MAP4K3: variants seen among roughly 807,000 people sequenced by gnomAD.
The protein encoded by MAP4K3 is mitogen-activated protein kinase kinase kinase kinase 3, also known as MAPK/ERK kinase kinase kinase 3.
A neutral mutation model predicts 143.5 loss-of-function variants in MAP4K3; 94 were observed. That is an observed-to-expected ratio of 0.65 (90% confidence interval 0.55 to 0.78). MAP4K3 has a LOEUF of 0.78. Among genes scored for constraint, MAP4K3 ranks in the 30% least tolerant of loss-of-function variants. The probability of loss-of-function intolerance (pLI) is 0.00; values close to 1 mark genes in which losing one functional copy is unlikely to be tolerated. For missense variants in MAP4K3, 1,077 were observed against 1,068.1 expected (o/e 1.01, Z -0.12); for synonymous variants, 416 against 347.2 (o/e 1.20, Z -2.20).
chr2:39,384,272 G>A (rs1051576812), intron 1 of MAP4K3, among the ~76,000 whole-genome samples: 4 of 152,220 alleles, frequency 2.6e-5, no homozygotes, highest in East Asian at 1.9e-4. Flanking sequence ...CAAGCCGGGC[G>A]TCGTGGCTCA....
chr2:39,320,395 C>T (rs548680605), intron 12 of MAP4K3, among the ~76,000 whole-genome samples: 56 of 152,052 alleles, frequency 3.7e-4, no homozygotes, highest in Non-Finnish European at 6.9e-4. Flanking sequence ...CAAACCTTGA[C>T]GATGGCCTTG....
intron 21 of MAP4K3, among the ~76,000 whole-genome samples, chr2:39,283,391 A>C (rs1378428402): frequency 6.6e-6 from 1 of 152,122 alleles, no homozygotes; most frequent in African/African-American, 2.4e-5. Context: ...AGGAAGATTA[A>C]GAATCTTTTT....
At chr2:39,342,675 C>T (rs1343124805) in intron 4 of MAP4K3, among the ~76,000 whole-genome samples, 1 of 152,084 alleles carries the variant, frequency 6.6e-6, no homozygotes, top group Non-Finnish European at 1.5e-5. Flanking sequence ...AGTCTTACAT[C>T]TCTGCTTTAG....
At chr2:39,384,048 AG>A (rs1478490501) in intron 1 of MAP4K3, among the ~76,000 whole-genome samples, 1 of 151,958 alleles carries the variant, frequency 6.6e-6, no homozygotes, top group African/African-American at 2.4e-5. Context: ...CAAGAGATCA[AG>A]GCTGCAGTGA....
intron 2 of MAP4K3, among the ~76,000 whole-genome samples, chr2:39,362,571 G>C (rs1665799722): frequency 6.6e-6 from 1 of 152,118 alleles, no homozygotes; most frequent in African/African-American, 2.4e-5. Flanking sequence ...TAAATGTAAA[G>C]ACATGCCATG....
intron 4 of MAP4K3, among the ~76,000 whole-genome samples, 171 bp from the exon 5 acceptor site, chr2:39,337,752 GT>G (rs570853243): frequency 6.5e-4 from 46 of 70,512 alleles, no homozygotes; most frequent in African/African-American, 2.8e-3. Flanking sequence ...CCTGGCTCCA[GT>G]TTTTTTTTTT....
At chr2:39,410,991 A>G (rs961261385) in intron 1 of MAP4K3, among the ~76,000 whole-genome samples, 2 of 152,226 alleles carry the variant, frequency 1.3e-5, no homozygotes, top group Non-Finnish European at 2.9e-5. Flanking sequence ...AAATATTTTG[A>G]TATCATTATG....
chr2:39,294,921 G>C (rs1299737285), intron 16 of MAP4K3, among the ~76,000 whole-genome samples: 3 of 151,614 alleles, frequency 2.0e-5, no homozygotes, highest in Admixed American at 6.6e-5. Context: ...ATTTTCTCAT[G>C]AGTATACACT....
intron 1 of MAP4K3, among the ~76,000 whole-genome samples, chr2:39,419,404 A>G (rs959644016): frequency 6.6e-6 from 1 of 152,176 alleles, no homozygotes; most frequent in Non-Finnish European, 1.5e-5. Context: ...ATTATTTTCT[A>G]TAAAAGCAGT....
At chr2:39,321,684 G>A (rs187643069) in intron 12 of MAP4K3, among the ~76,000 whole-genome samples, 8 of 152,230 alleles carry the variant, frequency 5.3e-5, no homozygotes, top group African/African-American at 1.7e-4. Flanking sequence ...GCAATGGAAT[G>A]TCTCAGTATA....
chr2:39,367,743 A>G (rs576695635), intron 2 of MAP4K3, among the ~76,000 whole-genome samples: 3 of 152,104 alleles, frequency 2.0e-5, no homozygotes, highest in African/African-American at 4.8e-5. Flanking sequence ...AAAAATGTCT[A>G]CCCTAATGCT....
At position 39,371,966 on chromosome 2, in the gene MAP4K3, C is replaced by T. The variant is rs753092965; in HGVS notation, c.154+6100G>A. On this transcript the variant is annotated intron_variant, in intron 2 of 33. Coordinates refer to ENST00000263881, the MANE Select transcript of MAP4K3 (RefSeq NM_003618.4). The stretch of plus-strand genomic sequence containing the variant: ...CATTCAGACAAGAGCAAGAAATAAA[C>T]GAGCATCCAAATTGCAAAGGAAGCA... Among the ~76,000 whole-genome samples, 5 of 150,614 alleles carry T rather than the reference C, an allele frequency of 3.3e-5. No homozygotes were observed. The East Asian group carries it at 5.8e-4, about 18-fold the overall frequency.
At chr2:39,432,870 G>C (rs553173479) in intron 1 of MAP4K3, among the ~76,000 whole-genome samples, 147 of 152,146 alleles carry the variant, frequency 9.7e-4, no homozygotes, top group Admixed American at 5.6e-3. Flanking sequence ...TTAACAACAC[G>C]GCAGCCCGTG....
intron 2 of MAP4K3, among the ~76,000 whole-genome samples, chr2:39,373,211 G>T (rs1666128573): frequency 6.6e-6 from 1 of 152,266 alleles, no homozygotes; most frequent in African/African-American, 2.4e-5. Flanking sequence ...GATCATCAGA[G>T]AAATGCAAAT....
chr2:39,285,380 G>GT (rs1390998549), intron 21 of MAP4K3, among the ~76,000 whole-genome samples: 1 of 151,840 alleles, frequency 6.6e-6, no homozygotes, highest in Non-Finnish European at 1.5e-5. Context: ...CATTGGAAAG[G>GT]TTAAAAAAAA....
At chr2:39,363,390 C>T (rs891666329) in intron 2 of MAP4K3, among the ~76,000 whole-genome samples, 4 of 149,148 alleles carry the variant, frequency 2.7e-5, no homozygotes, top group Non-Finnish European at 5.9e-5. Context: ...GCAAAGGGCT[C>T]GGCGCAGTGG....
intron 24 of MAP4K3, among the ~76,000 whole-genome samples, chr2:39,274,876 TTTAAA>T (rs1374636041): frequency 2.0e-5 from 3 of 152,190 alleles, no homozygotes; most frequent in Non-Finnish European, 4.4e-5. Flanking sequence ...GATAAAAAAC[TTTAAA>T]TCAGGACCCT....
chr2:39,302,514 A>G (rs1682550994), intron 15 of MAP4K3, among the ~76,000 whole-genome samples: 1 of 152,224 alleles, frequency 6.6e-6, no homozygotes, highest in Non-Finnish European at 1.5e-5. Flanking sequence ...TTAGTAGTTC[A>G]TTATATGTCG....
chr2:39,251,786 A>G lies in MAP4K3; in HGVS notation c.2597+44T>C, dbSNP rs191038617. On this transcript the variant is annotated intron_variant, in intron 33 of 33. Transcript: ENST00000263881. ...AAATCTGTTTCATGCTGGATCTATAAAACACGTTTAGTACTGTGTATTTAA... is the reference window on the plus strand; with the variant it reads ...AAATCTGTTTCATGCTGGATCTATAGAACACGTTTAGTACTGTGTATTTAA... 1.3e-3 allele frequency: 2,004 copies of G among 1,497,774 alleles called. 7 individuals are homozygous for G. The highest frequency in any genetic ancestry group is 0.012 in the Middle Eastern group (65 of 5,628). The allele number at this position is 1,497,774 out of a possible 1,614,324, so 92.8% of individuals were successfully genotyped here.
Sources: allele counts gnomAD v4.1 joint callset (sites outside exome capture counted in the v4.1 genomes callset), GRCh38; gene constraint gnomAD v4.1.1; transcripts MANE v1.5; gene names NCBI Gene and HGNC (gene_info 2026-07-23, HGNC 2026-07-21).